Variants in KLHL41 observed in about 807,000 individuals in gnomAD.
KLHL41 encodes kelch like family member 41.
Under a neutral mutation model 49.2 loss-of-function variants are expected in KLHL41, and 31 were observed. The ratio of observed to expected loss-of-function variants is 0.63; its 90% CI spans 0.47 to 0.85. The LOEUF is 0.85. Ranked by LOEUF, KLHL41 falls within the 40% of genes least tolerant of loss-of-function variation. KLHL41 has a pLI of 0.00. For synonymous variants in KLHL41, 218 were observed against 258.5 expected, an observed-to-expected ratio of 0.84 and a Z score of 1.50; for missense variants, 663 against 726.7, an observed-to-expected ratio of 0.91 and a Z score of 1.01.
In KLHL41 at chr2:169,510,911, G is replaced by A. The variant is rs754038233; in HGVS notation, c.1110+23G>A. 2 of 1,592,806 alleles carry A rather than the reference G, an allele frequency of 1.3e-6. No homozygotes were observed. The highest frequency in any genetic ancestry group is 1.3e-5 in the African/African-American group (1 of 74,352). On this transcript the variant is annotated intron_variant, in intron 1 of 5. Transcript: ENST00000284669. The surrounding 1 kb of genome is among the most constrained non-coding windows in gnomAD (Gnocchi z 4.2). ...CAGGTAAGAAGGACTTTTTGTATAT[G>A]TAGTTGCTTAAAGGGAAGGCTGTTA...
Position 169,510,876 on chromosome 2 carries a change from A to G in KLHL41, c.1098A>G (p.Ser366=). 1 of 1,612,238 alleles carries G rather than the reference A, an allele frequency of 6.2e-7. No homozygotes were observed. The change falls in exon 1 of 6, where the codon TCA becomes TCG. Residue 366 remains serine, a synonymous_variant. Transcript: ENST00000284669. The surrounding 1 kb of genome is among the most constrained non-coding windows in gnomAD (Gnocchi z 4.2). ...DEENKDQPLQ[S]YFFQLDSIAS... The stretch of plus-strand genomic sequence containing the variant: ...AAAATAAGGATCAACCTCTACAGTC[A>G]TACTTCTTCCAGGTAAGAAGGACTT...
intron 3 of KLHL41, among the ~76,000 whole-genome samples, chr2:169,516,838 G>A (rs931328788): frequency 5.3e-5 from 8 of 152,008 alleles, no homozygotes; most frequent in Admixed American, 2.0e-4. Context: ...CCTGTCCAAC[G>A]TGGAGAAACC....
rs1470469165 is a variant in KLHL41 at position 169,510,503 on chromosome 2, T to C, written c.725T>C (p.Ile242Thr). The C allele has an allele frequency of 6.2e-7, 1 of 1,613,884 alleles. No homozygotes were observed. Among genetic ancestry groups the C allele is most frequent in the Non-Finnish European group, 8.5e-7 (1 of 1,179,982 alleles). The stretch of plus-strand genomic sequence containing the variant: ...GATCATGTTGAGAAAGATGATATAA[T>C]TAAAAGCAACCCAGACCTCCAGAAA... ...FKDHVEKDDIIKSNPDLQKKI... is the reference protein window; with the variant it reads ...FKDHVEKDDITKSNPDLQKKI... The change falls in exon 1 of 6, where the codon ATT (isoleucine) becomes ACT (threonine). Residue 242 changes from isoleucine (I) to threonine (T), a missense_variant. Physicochemically the swap from Ile to Thr is moderately conservative, Grantham distance 89. Coordinates refer to ENST00000284669, the MANE Select transcript of KLHL41 (RefSeq NM_006063.3). The surrounding 1 kb of genome is among the most constrained non-coding windows in gnomAD (Gnocchi z 4.2).
chr2:169,516,286 G>A (rs1025871269), intron 3 of KLHL41, among the ~76,000 whole-genome samples: 1 of 152,156 alleles, frequency 6.6e-6, no homozygotes, highest in Admixed American at 6.5e-5. Flanking sequence ...ATGATTATTG[G>A]GTATTAGTCA....
chr2:169,521,769 T>C (rs931910701), intron 5 of KLHL41, among the ~76,000 whole-genome samples: 1 of 152,178 alleles, frequency 6.6e-6, no homozygotes, highest in African/African-American at 2.4e-5. Flanking sequence ...AGCTTTCCAA[T>C]TGTTTTAGGC....
chr2:169,519,399 T>C (rs936052121), intron 4 of KLHL41, among the ~76,000 whole-genome samples: 1 of 152,188 alleles, frequency 6.6e-6, no homozygotes, highest in East Asian at 1.9e-4. Flanking sequence ...ACTATTTAAA[T>C]TATCATTAAA....
chr2:169,526,212 GTTT>G lies in KLHL41; in HGVS notation c.*517_*519del, dbSNP rs1684304688. 3 of 152,188 alleles carry G rather than the reference GTTT, an allele frequency of 2.0e-5. No homozygotes were observed. The highest frequency in any genetic ancestry group is 4.4e-5 in the Non-Finnish European group (3 of 68,028). The allele number at this position is 152,188 out of a possible 1,614,324, so 9.4% of individuals were successfully genotyped here. A position where few individuals can be genotyped will look rare whatever the true frequency, so the allele number is the denominator to read the frequency against. ...AGTGTAATAAATGGATGGGGAAATC[GTTT>G]GATGGGGAAAAGTCTCTTGTAAGTA... On this transcript the variant is annotated 3_prime_UTR_variant, in exon 6 of 6. Transcript: ENST00000284669.
chr2:169,511,911 G>A (rs1684033894), intron 1 of KLHL41, among the ~76,000 whole-genome samples: 1 of 152,168 alleles, frequency 6.6e-6, no homozygotes, highest in South Asian at 2.1e-4. Flanking sequence ...ATCAGTTTAT[G>A]AAGGAGTTGG....
intron 4 of KLHL41, among the ~76,000 whole-genome samples, chr2:169,520,103 G>T (rs1463567817): frequency 6.6e-6 from 1 of 151,478 alleles, no homozygotes; most frequent in Non-Finnish European, 1.5e-5. Context: ...GGGCTCAAGA[G>T]ATCCTCCCAA....
At chr2:169,516,878 G>T (rs575483000) in intron 3 of KLHL41, among the ~76,000 whole-genome samples, 4 of 152,170 alleles carry the variant, frequency 2.6e-5, no homozygotes, top group Non-Finnish European at 5.9e-5. Flanking sequence ...AAAATTAACC[G>T]GGCGTGGTGC....
In KLHL41 at chr2:169,509,953, C is replaced by T. The variant is rs547547946; in HGVS notation, c.175C>T (p.Arg59Cys). The T allele has an allele frequency of 4.6e-5, 74 of 1,614,054 alleles. No homozygotes were observed. The highest frequency in any genetic ancestry group is 2.3e-4 in the Admixed American group (14 of 60,018). ...TTTGTCAGCTTGTAGTCCTTACTTC[C>T]GTGAGTACTTTTTATCTGAAATTGA... Reference protein sequence around the residue: ...LILSACSPYFREYFLSEIDEA... With the variant: ...LILSACSPYFCEYFLSEIDEA... Residue 59 changes from arginine to cysteine, a missense_variant, in exon 1 of 6, where the codon CGT (arginine) becomes TGT (cysteine). Physicochemically the swap from Arg to Cys is radical, Grantham distance 180 (BLOSUM62 -3). This residue lies in a region of KLHL41 where 129 missense variants were observed against 122.1 expected (regional missense o/e 1.06). Coordinates refer to ENST00000284669, the MANE Select transcript of KLHL41 (RefSeq NM_006063.3).
chr2:169,522,705 ATTTTTTTTTTTTT>A (rs60635668), intron 5 of KLHL41, among the ~76,000 whole-genome samples: 2 of 50,090 alleles, frequency 4.0e-5, no homozygotes, highest in African/African-American at 8.3e-5. Flanking sequence ...CTTCCCAGTG[ATTTTTTTTTTTTT>A]TTTTTTTTTT....
intron 4 of KLHL41, 86 bp from the exon 5 acceptor site, chr2:169,520,775 T>A: frequency 8.5e-7 from 1 of 1,179,436 alleles, no homozygotes; most frequent in Non-Finnish European, 1.2e-6. Flanking sequence ...CTTGAATTTT[T>A]AAATTATTAT....
chr2:169,521,551 C>A (rs1684204887), intron 5 of KLHL41, among the ~76,000 whole-genome samples: 1 of 152,090 alleles, frequency 6.6e-6, no homozygotes, highest in Admixed American at 6.6e-5. Context: ...ATCCACCACG[C>A]CCAGCTAATT....
chr2:169,525,898 T>C lies in KLHL41; in HGVS notation c.*202T>C, dbSNP rs1553532730. 3 of 373,954 alleles carry C rather than the reference T, an allele frequency of 8.0e-6. No individual in the cohort carries two copies. The highest frequency in any genetic ancestry group is 1.4e-5 in the Non-Finnish European group (3 of 210,504). 23.2% of individuals were successfully genotyped at this position (373,954 alleles called of 1,614,324 possible). A position where few individuals can be genotyped will look rare whatever the true frequency, so the allele number is the denominator to read the frequency against. On this transcript the variant is annotated 3_prime_UTR_variant, in exon 6 of 6. Coordinates refer to ENST00000284669, the MANE Select transcript of KLHL41 (RefSeq NM_006063.3). ...ATCAGAGTTTAAAACCATTTTCTAA[T>C]AATAAATTAAATCTTCAGTTGAACA...
chr2:169,514,842 GT>G lies in KLHL41; in HGVS notation c.1269-9del. On this transcript the variant is annotated splice_polypyrimidine_tract_variant and intron_variant, in intron 2 of 5. Coordinates refer to ENST00000284669, the MANE Select transcript of KLHL41 (RefSeq NM_006063.3). ...ACTGAAGGTATATAAATTCTGTCTC[GT>G]TTAATTTTAGGGCTGCAAAATGGAA... The G allele has an allele frequency of 6.3e-7, 1 of 1,599,438 alleles. No homozygotes were observed. The highest frequency in any genetic ancestry group is 8.5e-7 in the Non-Finnish European group (1 of 1,174,994).
At position 169,514,615 on chromosome 2, in the gene KLHL41, G is replaced by A. The variant is rs764468679; in HGVS notation, c.1152G>A (p.Leu384=). ...IASEWVGLPP[L]PSARCLFGLG... ...CTGAATGGGTTGGACTTCCACCTCTGCCTTCAGCCAGGTGTCTCTTCGGTC... is the reference window on the plus strand; with the variant it reads ...CTGAATGGGTTGGACTTCCACCTCTACCTTCAGCCAGGTGTCTCTTCGGTC... Residue 384 remains leucine (L), a synonymous_variant, in exon 2 of 6, where the codon CTG becomes CTA. Transcript: ENST00000284669. The A allele has an allele frequency of 2.5e-6, 4 of 1,613,744 alleles. No individual in the cohort carries two copies. In the African/African-American group the frequency reaches 4.0e-5, roughly 16 times the overall value.
At chr2:169,516,968 C>T (rs1399699217) in intron 3 of KLHL41, among the ~76,000 whole-genome samples, 4 of 152,064 alleles carry the variant, frequency 2.6e-5, no homozygotes, top group Non-Finnish European at 4.4e-5. Context: ...GCTGATATCG[C>T]GCCACTGCAC....
chr2:169,521,334 T>G (rs1350797114), intron 5 of KLHL41, among the ~76,000 whole-genome samples: 2 of 152,226 alleles, frequency 1.3e-5, no homozygotes, highest in East Asian at 3.8e-4. Context: ...AAAGCCTCTT[T>G]GCTCCAGAGT....
Sources: gnomAD v4.1 joint callset for allele counts (sites outside exome capture counted in the v4.1 genomes callset) on GRCh38, gnomAD v4.1.1 for gene constraint, gnomAD v4.1.1 regional missense constraint, Gnocchi (gnomAD v3.1) non-coding constraint, MANE v1.5 for transcripts, NCBI Gene and HGNC (gene_info 2026-07-23, HGNC 2026-07-21) for gene names.